Variants in MSH3 observed in about 807,000 individuals in gnomAD.
MSH3 encodes mutS homolog 3.
MSH3 carries 106 observed loss-of-function variants against 123.3 expected under a neutral mutation model. That is an observed-to-expected ratio of 0.86 (90% CI 0.73 to 1.01). The LOEUF (loss-of-function observed/expected upper bound fraction) is 1.01, where lower values mean the gene tolerates loss of function less well. Among genes scored for constraint, MSH3 ranks in the 50% least tolerant of loss-of-function variants. MSH3 has a pLI of 0.00. For missense variants in MSH3, 1,459 were observed against 1,347.6 expected, an observed-to-expected ratio of 1.08 and a Z score of -1.29; for synonymous variants, 515 against 481.4, an observed-to-expected ratio of 1.07 and a Z score of -0.91.
At chr5:80,713,514 A>G (rs1162418344) in intron 8 of MSH3, among the ~76,000 whole-genome samples, 1 of 152,116 alleles carries the variant, frequency 6.6e-6, no homozygotes, top group Non-Finnish European at 1.5e-5. Flanking sequence ...GGAGGAGCAC[A>G]TCTTCTGTTC....
intron 2 of MSH3, among the ~76,000 whole-genome samples, chr5:80,662,218 C>T (rs772019247): frequency 1.3e-5 from 2 of 152,152 alleles, no homozygotes; most frequent in African/African-American, 2.4e-5. Context: ...AGGTTTATAA[C>T]CCGGGAGCAA....
intron 20 of MSH3, among the ~76,000 whole-genome samples, chr5:80,843,801 C>T (rs1745669371): frequency 6.6e-6 from 1 of 151,852 alleles, no homozygotes; most frequent in South Asian, 2.1e-4. Context: ...CTCTTTTGTT[C>T]GTTATTAGTC....
chr5:80,855,948 A>T (rs1443399030), intron 21 of MSH3: 1 of 142,162 alleles, frequency 7.0e-6, no homozygotes, highest in African/African-American at 2.7e-5. Flanking sequence ...CAGTGGCATG[A>T]TCATGGCTCA....
At chr5:80,655,903 A>G (rs1749272468) in intron 1 of MSH3, among the ~76,000 whole-genome samples, 1 of 152,212 alleles carries the variant, frequency 6.6e-6, no homozygotes, top group Non-Finnish European at 1.5e-5. Context: ...TGCTTTTGGC[A>G]AGTTTTCTGC....
intron 7 of MSH3, among the ~76,000 whole-genome samples, chr5:80,676,091 C>T (rs559887583): frequency 6.0e-4 from 92 of 152,296 alleles, no homozygotes; most frequent in Admixed American, 9.2e-4. Flanking sequence ...AGTGCAATGG[C>T]GTGATCTTGG....
intron 16 of MSH3, among the ~76,000 whole-genome samples, chr5:80,776,846 T>C (rs999577822): frequency 6.7e-6 from 1 of 148,922 alleles, no homozygotes; most frequent in Non-Finnish European, 1.5e-5. Flanking sequence ...ACATAATGTG[T>C]GAATGATTGT....
intron 20 of MSH3, among the ~76,000 whole-genome samples, chr5:80,840,220 C>T (rs946306437): frequency 6.6e-6 from 1 of 152,080 alleles, no homozygotes; most frequent in Non-Finnish European, 1.5e-5. Context: ...CATGTGTATT[C>T]TCTTTAGAGC....
chr5:80,822,157 C>G (rs927254124), intron 20 of MSH3, among the ~76,000 whole-genome samples: 1 of 152,162 alleles, frequency 6.6e-6, no homozygotes, highest in Admixed American at 6.5e-5. Context: ...TACAAGTTCT[C>G]CAGCATCCTG....
chr5:80,667,201 A>C (rs2112810230), intron 3 of MSH3, among the ~76,000 whole-genome samples: 1 of 152,364 alleles, frequency 6.6e-6, no homozygotes, highest in Middle Eastern at 3.4e-3. Context: ...CTAAAAGAAT[A>C]AAGTATAAAG....
intron 8 of MSH3, among the ~76,000 whole-genome samples, chr5:80,687,896 A>G (rs1382615826): frequency 6.6e-6 from 1 of 152,210 alleles, no homozygotes; most frequent in East Asian, 1.9e-4. Context: ...GAAAAGAATC[A>G]GATCAAGGAG....
chr5:80,758,923 T>C (rs1743983621), intron 12 of MSH3, among the ~76,000 whole-genome samples: 1 of 152,234 alleles, frequency 6.6e-6, no homozygotes, highest in South Asian at 2.1e-4. Flanking sequence ...ACTTAGTCTA[T>C]TCCAATTGGT....
At position 80,848,680 on chromosome 5, in the gene MSH3, C is replaced by T. The variant is rs115239321; in HGVS notation, c.2814-5450C>T. On this transcript the variant is annotated intron_variant, in intron 20 of 23. Transcript: ENST00000265081. Reference sequence around the variant, plus strand: ...AGATCTCATGAGACCCATTCACTGTCATGAGAACAGCACAGGAAAGACATG... The same window carrying T: ...AGATCTCATGAGACCCATTCACTGTTATGAGAACAGCACAGGAAAGACATG... Among the ~76,000 whole-genome samples, 833 of 152,336 alleles carry T rather than the reference C, an allele frequency of 5.5e-3. 4 individuals carry two copies. Among genetic ancestry groups the T allele is most frequent in the Non-Finnish European group, 8.7e-3 (590 of 68,032 alleles).
At chr5:80,740,935 C>T (rs551359400) in intron 10 of MSH3, among the ~76,000 whole-genome samples, 9 of 151,884 alleles carry the variant, frequency 5.9e-5, no homozygotes, top group African/African-American at 2.2e-4. Context: ...AGGCTGGTTT[C>T]GAACTCCTCA....
chr5:80,736,620 CTGTT>C (rs1292338524), intron 10 of MSH3, among the ~76,000 whole-genome samples: 1 of 152,136 alleles, frequency 6.6e-6, no homozygotes, highest in African/African-American at 2.4e-5. Flanking sequence ...TGTGCCTTAA[CTGTT>C]TGTGCACACA....
chr5:80,718,768 C>T (rs1294310743), intron 8 of MSH3, among the ~76,000 whole-genome samples: 2 of 151,660 alleles, frequency 1.3e-5, no homozygotes, highest in Non-Finnish European at 2.9e-5. Context: ...TAGTGATGAA[C>T]AAGTCTTGCT....
intron 20 of MSH3, among the ~76,000 whole-genome samples, chr5:80,848,225 T>G (rs1291871593): frequency 6.6e-6 from 1 of 152,186 alleles, no homozygotes; most frequent in Non-Finnish European, 1.5e-5. Flanking sequence ...GTTAGAACCT[T>G]TCTCAAATAA....
intron 14 of MSH3, among the ~76,000 whole-genome samples, chr5:80,768,533 A>G (rs1554072306): frequency 6.6e-6 from 1 of 152,168 alleles, no homozygotes; most frequent in Non-Finnish European, 1.5e-5. Context: ...AAAACATTCT[A>G]TGTAAATGAA....
At chr5:80,785,346 A>G (rs927570196) in intron 17 of MSH3, among the ~76,000 whole-genome samples, 4 of 152,240 alleles carry the variant, frequency 2.6e-5, no homozygotes, top group Non-Finnish European at 5.9e-5. Flanking sequence ...GCTACTGGCC[A>G]CATGAAAAAA....
chr5:80,783,024 C>T (rs1465984614), intron 17 of MSH3, among the ~76,000 whole-genome samples: 1 of 152,126 alleles, frequency 6.6e-6, no homozygotes, highest in African/African-American at 2.4e-5. Context: ...GTAATCTTCT[C>T]AATTGCAAAT....
Sources: gnomAD v4.1 joint callset for allele counts (sites outside exome capture counted in the v4.1 genomes callset) on GRCh38, gnomAD v4.1.1 for gene constraint, MANE v1.5 for transcripts, NCBI Gene and HGNC (gene_info 2026-07-23, HGNC 2026-07-21) for gene names.